The following MTCL2 variants were observed in gnomAD, a reference collection of about 807,000 sequenced individuals.
The protein encoded by MTCL2 is microtubule cross-linking factor 2.
the MTCL2 span, chr20:36,829,166 A>C: frequency 6.2e-7 from 1 of 1,609,520 alleles, no homozygotes; most frequent in East Asian, 2.2e-5. Flanking sequence ...TTTCTTCTCC[A>C]CCACCTCGAG....
At chr20:36,817,225 C>T in the MTCL2 span, among the ~76,000 whole-genome samples, 1 of 147,118 alleles carries the variant, frequency 6.8e-6, no homozygotes, top group Non-Finnish European at 1.5e-5. Context: ...TGAGATTGTG[C>T]CACTGCACTG....
At chr20:36,784,108 C>T in the MTCL2 span, 607 of 985,628 alleles carry the variant, frequency 6.2e-4, 7 homozygotes, top group African/African-American at 9.7e-3. Flanking sequence ...GATTTCTCCC[C>T]GAGGCTGAGT....
At chr20:36,794,832 A>T in the MTCL2 span, 1 of 575,556 alleles carries the variant, frequency 1.7e-6, no homozygotes, top group Non-Finnish European at 3.1e-6. The surrounding 1 kb of genome is among the most constrained non-coding windows in gnomAD (Gnocchi z 5.4). Flanking sequence ...GCAGTAGTGC[A>T]ATAATAGCTC....
the MTCL2 span, among the ~76,000 whole-genome samples, chr20:36,821,160 A>G: frequency 1.3e-5 from 2 of 152,240 alleles, no homozygotes; most frequent in African/African-American, 2.4e-5. Flanking sequence ...TATGCTAGGC[A>G]TGCATCTGTG....
chr20:36,785,024 G>C, the MTCL2 span: 4 of 985,408 alleles, frequency 4.1e-6, no homozygotes, highest in Non-Finnish European at 4.8e-6. Context: ...AATGAGACAG[G>C]CAATGGAGAA....
At chr20:36,841,573 C>T in the MTCL2 span, among the ~76,000 whole-genome samples, 1 of 152,040 alleles carries the variant, frequency 6.6e-6, no homozygotes, top group Non-Finnish European at 1.5e-5. Context: ...CAGGAAAGAG[C>T]TCAGTGTGTC....
chr20:36,815,054 C>T, the MTCL2 span: 1 of 1,430,512 alleles, frequency 7.0e-7, no homozygotes, highest in East Asian at 2.3e-5. The surrounding 1 kb of genome is among the most constrained non-coding windows in gnomAD (Gnocchi z 5.3). Flanking sequence ...GGGGAGAGAC[C>T]CTATCTCAAG....
At chr20:36,802,822 CG>C in the MTCL2 span, 1 of 1,568,394 alleles carries the variant, frequency 6.4e-7, no homozygotes, top group Non-Finnish European at 8.7e-7. Flanking sequence ...CTCTCCCTTG[CG>C]GGTGGAAGCG....
At chr20:36,783,639 C>T in the MTCL2 span, 14 of 348,202 alleles carry the variant, frequency 4.0e-5, no homozygotes, top group South Asian at 1.1e-3. Context: ...AGGGGGAGAA[C>T]GGGTTCGAGA....
the MTCL2 span, chr20:36,829,003 C>T: frequency 1.4e-6 from 2 of 1,475,496 alleles, no homozygotes; most frequent in Non-Finnish European, 1.8e-6. Flanking sequence ...GGGGGGCTTG[C>T]ATGTGCCCAC....
the MTCL2 span, among the ~76,000 whole-genome samples, chr20:36,818,567 A>T: frequency 1.3e-5 from 2 of 152,360 alleles, no homozygotes; most frequent in Non-Finnish European, 2.9e-5. Flanking sequence ...TGGGAGGCTG[A>T]GGTGAGAGGA....
the MTCL2 span, among the ~76,000 whole-genome samples, chr20:36,819,838 A>G: frequency 1.3e-5 from 2 of 152,178 alleles, no homozygotes; most frequent in Non-Finnish European, 1.5e-5. Flanking sequence ...GATATTTCAG[A>G]CGCTGGGTGC....
the MTCL2 span, among the ~76,000 whole-genome samples, chr20:36,847,690 C>CA: frequency 2.7e-4 from 41 of 151,974 alleles, no homozygotes; most frequent in African/African-American, 8.4e-4. Flanking sequence ...CCCATCTCTA[C>CA]AAAAAAATTA....
At chr20:36,817,139 C>T in the MTCL2 span, among the ~76,000 whole-genome samples, 2 of 151,504 alleles carry the variant, frequency 1.3e-5, no homozygotes, top group Non-Finnish European at 2.9e-5. Flanking sequence ...TGGTGGTGCA[C>T]GCCTGTAGTC....
chr20:36,862,624 C>A, the MTCL2 span: 2 of 1,477,902 alleles, frequency 1.4e-6, no homozygotes, highest in South Asian at 2.6e-5. Flanking sequence ...GCCGGCGACC[C>A]CTGCGACCTC....
the MTCL2 span, among the ~76,000 whole-genome samples, chr20:36,834,422 C>T: frequency 6.6e-6 from 1 of 152,166 alleles, no homozygotes; most frequent in Non-Finnish European, 1.5e-5. Flanking sequence ...TGGCTTCCCA[C>T]AGGAGTCACT....
chr20:36,802,817 C>T, the MTCL2 span: 1 of 1,566,164 alleles, frequency 6.4e-7, no homozygotes, highest in Non-Finnish European at 8.7e-7. Flanking sequence ...AGCAACTCTC[C>T]CTTGCGGGTG....
chr20:36,863,047 G>A, the MTCL2 span: 2 of 1,406,666 alleles, frequency 1.4e-6, no homozygotes, highest in South Asian at 1.4e-5. This position sits in a 1 kb window ranked among gnomAD's most constrained non-coding sequence, Gnocchi z 6.2. Flanking sequence ...GAGCGCGGAC[G>A]GCCCTTGGCA....
the MTCL2 span, among the ~76,000 whole-genome samples, chr20:36,860,703 A>T: frequency 6.6e-6 from 1 of 152,226 alleles, no homozygotes; most frequent in Admixed American, 6.5e-5. Flanking sequence ...TTGAGGTTGG[A>T]AAGCGTGTTA....
Sources: allele counts gnomAD v4.1 joint callset (sites outside exome capture counted in the v4.1 genomes callset), GRCh38; gene constraint gnomAD v4.1.1; non-coding constraint Gnocchi (gnomAD v3.1); transcripts MANE v1.5; gene names NCBI Gene and HGNC (gene_info 2026-07-23, HGNC 2026-07-21).